Variants in EFCAB11 observed in about 807,000 individuals in gnomAD.
The protein encoded by EFCAB11 is EF-hand calcium binding domain 11.
EFCAB11 carries 14 observed loss-of-function variants against 23.0 expected under a neutral mutation model. The ratio of observed to expected loss-of-function variants is 0.61; its 90% CI spans 0.40 to 0.95. EFCAB11 has a LOEUF of 0.95. EFCAB11 is among the 40% of genes least tolerant of loss of function. The pLI is 0.00. For synonymous variants in EFCAB11, 65 were observed against 66.6 expected (o/e 0.98, Z 0.11); for missense variants, 198 against 195.8 (o/e 1.01, Z -0.07).
chr14:89,898,459 G>T (rs987565826), intron 5 of EFCAB11, among the ~76,000 whole-genome samples: 4 of 152,096 alleles, frequency 2.6e-5, no homozygotes, highest in Non-Finnish European at 5.9e-5. Flanking sequence ...CCACCTGCCA[G>T]CTTCAAGCAA....
chr14:89,911,223 C>T (rs1889664900), intron 5 of EFCAB11, among the ~76,000 whole-genome samples: 1 of 152,196 alleles, frequency 6.6e-6, no homozygotes, highest in Non-Finnish European at 1.5e-5. Context: ...GCTAACCAAA[C>T]AAAGGCTAAA....
At chr14:89,936,324 T>A (rs1004678490) in intron 3 of EFCAB11, among the ~76,000 whole-genome samples, 2 of 152,226 alleles carry the variant, frequency 1.3e-5, no homozygotes, top group African/African-American at 4.8e-5. Context: ...CATATTCAGA[T>A]AACTCATGAG....
intron 5 of EFCAB11, among the ~76,000 whole-genome samples, chr14:89,914,962 C>T (rs1889790742): frequency 6.6e-6 from 1 of 151,962 alleles, no homozygotes; most frequent in African/African-American, 2.4e-5. Context: ...TTAAACAAAC[C>T]TAGCCGCCCC....
chr14:89,797,777 CA>C (rs1380108493), intron 5 of EFCAB11, among the ~76,000 whole-genome samples: 1 of 151,956 alleles, frequency 6.6e-6, no homozygotes, highest in African/African-American at 2.4e-5. Context: ...ACTAAAAATA[CA>C]AAAAATTAGC....
At chr14:89,836,976 TGTG>T in intron 5 of EFCAB11, 1 of 453,882 alleles carries the variant, frequency 2.2e-6, no homozygotes, top group Non-Finnish European at 4.4e-6. Context: ...GAGCCAAGAC[TGTG>T]CGACTGTACT....
At chr14:89,952,239 C>T (rs1185157383) in intron 2 of EFCAB11, 1 of 288,006 alleles carries the variant, frequency 3.5e-6, no homozygotes, top group Non-Finnish European at 5.2e-6. Flanking sequence ...AAATAGAAAA[C>T]CTCACCTCAA....
rs540333914 is a variant in EFCAB11 at position 89,907,044 on chromosome 14, C to T, written c.410+24497G>A. The stretch of plus-strand genomic sequence containing the variant: ...GCTAGAAGTCCTTCAGAAGTAGAAA[C>T]TGAAGTCCAGGGAGGTTAACAGACA... On this transcript the variant is annotated intron_variant, in intron 5 of 5. Transcript: ENST00000316738. 2.1e-3 allele frequency among the ~76,000 whole-genome samples: 325 copies of T among 152,234 alleles called. 1 individual carries two copies. Among genetic ancestry groups the T allele is most frequent in the African/African-American group, 7.4e-3 (309 of 41,542 alleles).
chr14:89,945,926 T>C (rs934249615), intron 3 of EFCAB11, among the ~76,000 whole-genome samples: 1 of 130,190 alleles, frequency 7.7e-6, no homozygotes, highest in Admixed American at 7.2e-5. Flanking sequence ...TTTTTTTTTA[T>C]TTTTTTTTTT....
chr14:89,797,625 C>T (rs1261216853), intron 5 of EFCAB11, among the ~76,000 whole-genome samples: 1 of 152,112 alleles, frequency 6.6e-6, no homozygotes, highest in East Asian at 1.9e-4. Flanking sequence ...ACATGTCTTT[C>T]TGTGATATGT....
At chr14:89,924,680 G>A (rs1489027808) in intron 5 of EFCAB11, 2 of 1,535,238 alleles carry the variant, frequency 1.3e-6, no homozygotes, top group Non-Finnish European at 1.7e-6. Flanking sequence ...AAATGCCTCT[G>A]AAATAAAGCA....
intron 5 of EFCAB11, among the ~76,000 whole-genome samples, chr14:89,910,377 C>A (rs1889639117): frequency 6.6e-6 from 1 of 152,122 alleles, no homozygotes; most frequent in Non-Finnish European, 1.5e-5. Context: ...GCAGGCGGAT[C>A]ACTTAAGGCC....
chr14:89,943,247 G>GT (rs35175946), intron 3 of EFCAB11, among the ~76,000 whole-genome samples: 1,985 of 139,984 alleles, frequency 0.014, 19 homozygotes, highest in South Asian at 0.056. Flanking sequence ...TTTCAGACCT[G>GT]TTTTTTTTTT....
At chr14:89,915,919 A>T (rs982241152) in intron 5 of EFCAB11, among the ~76,000 whole-genome samples, 1 of 152,218 alleles carries the variant, frequency 6.6e-6, no homozygotes, top group African/African-American at 2.4e-5. Context: ...TCCCACCAAG[A>T]TTCCTGTCTC....
intron 5 of EFCAB11, among the ~76,000 whole-genome samples, chr14:89,886,543 AAG>A (rs1162854374): frequency 0.05 from 883 of 17,646 alleles, 131 homozygotes; most frequent in African/African-American, 0.15. Flanking sequence ...AAAAAAAAAA[AAG>A]GAAAGTGATC....
Position 89,881,452 on chromosome 14 carries a change from C to CAT in EFCAB11, c.410+50087_410+50088dup, listed in dbSNP as rs10530483. ...ATTTTTGGTCTACTTTATGACTTGGCATATATATATATATTCTTTTTTTTT... is the reference window on the plus strand; with the variant it reads ...ATTTTTGGTCTACTTTATGACTTGGCATATATATATATATATTCTTTTTTTTT... On this transcript the variant is annotated intron_variant, in intron 5 of 5. Coordinates refer to ENST00000316738, the MANE Select transcript of EFCAB11 (RefSeq NM_145231.4). Among the ~76,000 whole-genome samples the CAT allele has an allele frequency of 3.6e-4, 17 of 46,706 alleles. 2 individuals carry two copies. Among genetic ancestry groups the CAT allele is most frequent in the Non-Finnish European group, 7.3e-4 (15 of 20,662 alleles). 30.6% of individuals were successfully genotyped at this position (46,706 alleles called of 152,430 possible).
chr14:89,924,946 T>C (rs747422699), intron 5 of EFCAB11, among the ~76,000 whole-genome samples: 1 of 152,246 alleles, frequency 6.6e-6, no homozygotes, highest in Non-Finnish European at 1.5e-5. Flanking sequence ...CGATTACAGA[T>C]ATAAGTCCAT....
intron 3 of EFCAB11, among the ~76,000 whole-genome samples, chr14:89,935,082 G>A (rs1288304532): frequency 2.6e-5 from 4 of 152,104 alleles, no homozygotes; most frequent in African/African-American, 9.7e-5. Context: ...ATGCAACCCA[G>A]GCATCATCTC....
Position 89,926,170 on chromosome 14 carries a change from T to G in EFCAB11, c.410+5371A>C, listed in dbSNP as rs551708653. ...GTCTCAAATTTTGAAATCCAAGTAT[T>G]AAAGATTTTATAATATCTTTAGACA... On this transcript the variant is annotated intron_variant, in intron 5 of 5. Transcript: ENST00000316738. Among the ~76,000 whole-genome samples the G allele has an allele frequency of 1.4e-3, 207 of 152,312 alleles. 3 individuals carry two copies. In the South Asian group the frequency reaches 0.029, roughly 21 times the overall value.
chr14:89,834,544 GGC>G (rs1887009202), intron 5 of EFCAB11, among the ~76,000 whole-genome samples: 1 of 152,154 alleles, frequency 6.6e-6, no homozygotes, highest in African/African-American at 2.4e-5. Context: ...AGCCGCCTCC[GGC>G]AGAACTCTGC....
Sources: allele counts gnomAD v4.1 joint callset (sites outside exome capture counted in the v4.1 genomes callset), GRCh38; gene constraint gnomAD v4.1.1; transcripts MANE v1.5; gene names NCBI Gene and HGNC (gene_info 2026-07-23, HGNC 2026-07-21).